CR1L: variants seen among roughly 807,000 people sequenced by gnomAD.
CR1L encodes the protein complement C3b/C4b receptor 1 like.
A neutral mutation model predicts 62.3 loss-of-function variants in CR1L; 59 were observed. The observed-to-expected ratio is 0.95, with a 90% CI of 0.77 to 1.18. The LOEUF (loss-of-function observed/expected upper bound fraction) is 1.18, where lower values mean the gene tolerates loss of function less well. CR1L is among the 50% of genes most tolerant of loss of function. CR1L has a pLI of 0.00. For missense variants in CR1L, 700 were observed against 702.8 expected (o/e 1.00, Z 0.04); for synonymous variants, 279 against 248.7 (o/e 1.12, Z -1.15).
chr1:207,693,567 ATGTT>A (rs1664027491), intron 4 of CR1L, among the ~76,000 whole-genome samples: 1 of 152,210 alleles, frequency 6.6e-6, no homozygotes, highest in Non-Finnish European at 1.5e-5. Flanking sequence ...CTTGGTCTGT[ATGTT>A]TAACATGCAT....
intron 3 of CR1L, among the ~76,000 whole-genome samples, chr1:207,683,023 T>TTTCCTTCCTTCCTTCCTTCCC (rs1663828867): frequency 8.2e-6 from 1 of 121,386 alleles, no homozygotes; most frequent in African/African-American, 2.8e-5. Context: ...TCTTTCTTTC[T>TTTCCTTCCTTCCTTCCTTCCC]TTCCTTCCTT....
chr1:207,694,874 G>A (rs1664051060), intron 5 of CR1L, 123 bp downstream of exon 5: 16 of 1,522,352 alleles, frequency 1.1e-5, no homozygotes, highest in Non-Finnish European at 9.7e-6. Flanking sequence ...AAATTTTCTA[G>A]GTAGTGAACA....
At chr1:207,719,486 A>G (rs938619774) in intron 11 of CR1L, among the ~76,000 whole-genome samples, 1 of 152,020 alleles carries the variant, frequency 6.6e-6, no homozygotes, top group African/African-American at 2.4e-5. Flanking sequence ...TTGGGAGGCT[A>G]AAGTGAGACG....
chr1:207,700,359 T>C (rs202050648), intron 8 of CR1L, among the ~76,000 whole-genome samples: 17 of 152,198 alleles, frequency 1.1e-4, no homozygotes, highest in East Asian at 9.6e-4. Flanking sequence ...AGCTCATTGA[T>C]TGGACTACTC....
chr1:207,709,381 G>GGGCA (rs1664318012), intron 10 of CR1L: 1 of 153,356 alleles, frequency 6.5e-6, no homozygotes, highest in Admixed American at 6.5e-5. Flanking sequence ...ACTCCAGCCT[G>GGGCA]GGCAGCAGAG....
intron 11 of CR1L, among the ~76,000 whole-genome samples, chr1:207,719,689 A>G (rs1263590524): frequency 1.3e-5 from 2 of 152,140 alleles, no homozygotes; most frequent in African/African-American, 4.8e-5. Flanking sequence ...ACTGCACCCC[A>G]GCCTGGACAA....
intron 3 of CR1L, among the ~76,000 whole-genome samples, chr1:207,683,278 A>G (rs953315133): frequency 1.3e-5 from 2 of 152,030 alleles, no homozygotes; most frequent in African/African-American, 4.8e-5. Context: ...CTAGGACTAC[A>G]GGAATGTGCC....
At chr1:207,654,705 C>T (rs1663278473) in intron 1 of CR1L, among the ~76,000 whole-genome samples, 1 of 152,190 alleles carries the variant, frequency 6.6e-6, no homozygotes, top group Non-Finnish European at 1.5e-5. Flanking sequence ...TCCTAAACAA[C>T]CCCACGAGCT....
intron 1 of CR1L, among the ~76,000 whole-genome samples, chr1:207,646,471 G>C (rs1441668447): frequency 1.3e-5 from 2 of 152,064 alleles, no homozygotes; most frequent in Non-Finnish European, 2.9e-5. Flanking sequence ...AGCACTTTGG[G>C]AGGCCCAAGT....
chr1:207,684,723 G>A (rs1335451662), intron 4 of CR1L, among the ~76,000 whole-genome samples: 2 of 152,070 alleles, frequency 1.3e-5, no homozygotes, highest in Non-Finnish European at 2.9e-5. Context: ...TGTGTTTTAT[G>A]TGGAAAAAGA....
At chr1:207,697,941 G>C in intron 7 of CR1L, 68 bp downstream of exon 7, 1 of 1,605,632 alleles carries the variant, frequency 6.2e-7, no homozygotes, top group Non-Finnish European at 8.5e-7. Context: ...AAAAAGGGGA[G>C]ATTTGATGTG....
chr1:207,677,274 C>T, intron 1 of CR1L, 115 bp from the exon 2 acceptor site: 1 of 1,091,920 alleles, frequency 9.2e-7, no homozygotes, highest in Non-Finnish European at 1.2e-6. Flanking sequence ...CACCACTGCA[C>T]TCCAGCCTGG....
chr1:207,697,752 C>T lies in CR1L; in HGVS notation c.1040-19C>T, dbSNP rs374658385. 1.3e-5 allele frequency: 21 copies of T among 1,613,824 alleles called. No individual in the cohort carries two copies. Among genetic ancestry groups the T allele is most frequent in the African/African-American group, 9.3e-5 (7 of 74,896 alleles). The stretch of plus-strand genomic sequence containing the variant: ...TCTCCACATGCCAGTTATTTCTGTT[C>T]GTTTTTCTTTTTTTCCAGTGAAATC... On this transcript the variant is annotated intron_variant, in intron 6 of 11. Coordinates refer to ENST00000508064, the MANE Select transcript of CR1L (RefSeq NM_175710.2).
rs148013523 is a variant in CR1L at position 207,704,552 on chromosome 1, T to A, written c.1328+2934T>A. ...GCAAAATCTTTTGTGAAAGGAAGAGTCAATGTGGCCAGTTTTATTGTTGTC... is the reference window on the plus strand; with the variant it reads ...GCAAAATCTTTTGTGAAAGGAAGAGACAATGTGGCCAGTTTTATTGTTGTC... On this transcript the variant is annotated intron_variant, in intron 9 of 11. Coordinates refer to ENST00000508064, the MANE Select transcript of CR1L (RefSeq NM_175710.2). Among the ~76,000 whole-genome samples, 294 of 152,092 alleles carry A rather than the reference T, an allele frequency of 1.9e-3. 2 individuals carry two copies. The highest frequency in any genetic ancestry group is 6.7e-3 in the African/African-American group (278 of 41,470).
intron 11 of CR1L, among the ~76,000 whole-genome samples, chr1:207,718,745 C>G (rs1654065688): frequency 6.6e-6 from 1 of 152,090 alleles, no homozygotes; most frequent in South Asian, 2.1e-4. Context: ...GCTAATTGGA[C>G]TTAGAACTTC....
chr1:207,657,915 C>G (rs1384155324), intron 1 of CR1L, among the ~76,000 whole-genome samples: 1 of 152,056 alleles, frequency 6.6e-6, no homozygotes, highest in Non-Finnish European at 1.5e-5. Context: ...CCACAAATCT[C>G]AAAAAATTGA....
intron 5 of CR1L, among the ~76,000 whole-genome samples, chr1:207,696,490 G>A (rs914322962): frequency 6.6e-6 from 1 of 152,168 alleles, no homozygotes; most frequent in South Asian, 2.1e-4. Flanking sequence ...GAGGCTAGGG[G>A]CCAACAGAAA....
At chr1:207,646,710 C>CAAAAA (rs34443417) in intron 1 of CR1L, among the ~76,000 whole-genome samples, 15 of 64,710 alleles carry the variant, frequency 2.3e-4, no homozygotes, top group South Asian at 7.4e-4. Context: ...GACCCTGTCT[C>CAAAAA]AAAAAAAAAA....
intron 10 of CR1L, among the ~76,000 whole-genome samples, chr1:207,713,624 T>A (rs1030352183): frequency 3.9e-5 from 6 of 151,962 alleles, no homozygotes; most frequent in Admixed American, 2.0e-4. Flanking sequence ...GGTGTGTGAG[T>A]GAGCAAGTGG....
Sources: gnomAD v4.1 joint callset for allele counts (sites outside exome capture counted in the v4.1 genomes callset) on GRCh38, gnomAD v4.1.1 for gene constraint, MANE v1.5 for transcripts, NCBI Gene and HGNC (gene_info 2026-07-23, HGNC 2026-07-21) for gene names.